The following SCN7A variants were observed in gnomAD, a reference collection of about 807,000 sequenced individuals.
SCN7A encodes sodium voltage-gated channel alpha subunit 7.
Under a neutral mutation model 155.2 loss-of-function variants are expected in SCN7A, and 138 were observed. That is an observed-to-expected ratio of 0.89 (90% CI 0.77 to 1.02). The LOEUF (loss-of-function observed/expected upper bound fraction) is 1.02, where lower values mean the gene tolerates loss of function less well. Ranked by LOEUF, SCN7A falls within the 50% of genes least tolerant of loss-of-function variation. The probability of loss-of-function intolerance (pLI) is 0.00; values close to 1 mark genes in which losing one functional copy is unlikely to be tolerated. For synonymous variants in SCN7A, 693 were observed against 649.0 expected (o/e 1.07, Z -1.03); for missense variants, 2,058 against 1,986.6 (o/e 1.04, Z -0.68).
chr2:166,476,033 TG>T (rs560180281), intron 3 of SCN7A, among the ~76,000 whole-genome samples: 82 of 152,066 alleles, frequency 5.4e-4, no homozygotes, highest in African/African-American at 1.8e-3. Context: ...ACAGTTACTG[TG>T]CCATATCAAT....
intron 23 of SCN7A, 23 bp from the exon 24 acceptor site, chr2:166,410,347 T>C (rs372740515): frequency 3.8e-5 from 57 of 1,480,846 alleles, no homozygotes; most frequent in Non-Finnish European, 4.5e-6. Context: ...AAGAAAAATA[T>C]ATTAAAATCA....
chr2:166,419,905 A>T (rs1021850248), intron 20 of SCN7A, among the ~76,000 whole-genome samples: 9 of 152,144 alleles, frequency 5.9e-5, no homozygotes, highest in African/African-American at 1.9e-4. Flanking sequence ...TTTACTACAT[A>T]ATCAAAATAT....
intron 15 of SCN7A, among the ~76,000 whole-genome samples, chr2:166,436,936 A>G (rs1321460385): frequency 2.0e-5 from 3 of 152,198 alleles, no homozygotes; most frequent in Non-Finnish European, 4.4e-5. Context: ...CAAGAAGCAG[A>G]GCATAAAAAT....
Position 166,410,297 on chromosome 2 carries a change from C to T in SCN7A, c.3634G>A (p.Val1212Ile), listed in dbSNP as rs747544964. 6.4e-7 allele frequency: 1 copy of T among 1,550,598 alleles called. No individual in the cohort carries two copies. The highest frequency in any genetic ancestry group is 1.2e-5 in the South Asian group (1 of 83,452). Residue 1212 changes from valine (V) to isoleucine (I), a missense_variant, in exon 24 of 26, where the codon GTT becomes ATT. Physicochemically the swap from Val to Ile is conservative, Grantham distance 29 (BLOSUM62 3). Coordinates refer to ENST00000643258, the MANE Select transcript of SCN7A (RefSeq NM_002976.4). ...KLGGSNIFIT[V>I]KQRKQYRRLK... ...CTGCGGTACTGTTTTCTCTGTTTAA[C>T]CGTTATAAAGATATTTGAGCCTCCC...
chr2:166,465,709 C>A (rs533290920), intron 8 of SCN7A, 72 bp downstream of exon 8: 17 of 1,507,742 alleles, frequency 1.1e-5, no homozygotes, highest in South Asian at 3.4e-5. Context: ...GAGTGTTCAA[C>A]ATTTCTGGGA....
At chr2:166,462,612 C>A in intron 9 of SCN7A, 82 bp from the exon 10 acceptor site, 4 of 1,350,750 alleles carry the variant, frequency 3.0e-6, no homozygotes, top group Admixed American at 2.1e-5. Context: ...GAACATCAGT[C>A]CTGAGTAATA....
intron 12 of SCN7A, among the ~76,000 whole-genome samples, chr2:166,445,813 C>T (rs1210511773): frequency 2.0e-5 from 3 of 152,128 alleles, no homozygotes; most frequent in Non-Finnish European, 4.4e-5. Flanking sequence ...GCTGGGAAAA[C>T]TGGCTAGCCA....
chr2:166,406,105 C>T lies in SCN7A; in HGVS notation c.4524G>A (p.Lys1508=), dbSNP rs751384883. Residue 1508 remains lysine (K), a synonymous_variant, in exon 26 of 26, where the codon AAG becomes AAA. Transcript: ENST00000643258. ...TCCTAAAATCATCTTCACTCAAGGT[C>T]TTGTTTTTCTTCTTAGAAGCAATAT... ...FLNIASKKKN[K]TLSEDDFRKF... 13 of 1,611,850 alleles carry T rather than the reference C, an allele frequency of 8.1e-6. No individual in the cohort carries two copies. Among genetic ancestry groups the T allele is most frequent in the Admixed American group, 3.4e-5 (2 of 59,638 alleles).
chr2:166,414,232 A>AATATAT (rs1559088533), intron 21 of SCN7A, among the ~76,000 whole-genome samples: 7 of 80,198 alleles, frequency 8.7e-5, no homozygotes, highest in Non-Finnish European at 1.4e-4. Flanking sequence ...AAATATATAT[A>AATATAT]TCTATATATG....
At chr2:166,464,423 A>G (rs35191874) in intron 9 of SCN7A, among the ~76,000 whole-genome samples, 17,857 of 152,102 alleles carry the variant, frequency 0.12, 1,229 homozygotes, top group Middle Eastern at 0.16. Context: ...CACATTGCTG[A>G]GAAGTGCCCT....
rs1474460969 is a variant in SCN7A, at chr2:166,443,649, T to G, written c.1654A>C (p.Met552Leu). Residue 552 changes from methionine (M) to leucine (L), a missense_variant, in exon 14 of 26, where the codon ATG (methionine) becomes CTG (leucine). By Grantham distance (15) the Met-to-Leu change is conservative. Coordinates refer to ENST00000643258, the MANE Select transcript of SCN7A (RefSeq NM_002976.4). ...LVFIGIFTAE[M>L]IFKIIAMHPY... ...TGCATTGCAATTATTTTAAAAATCA[T>G]TTCTGCTGTGAAAATTCCAATGAAA... The G allele has an allele frequency of 3.2e-6, 5 of 1,548,394 alleles. No individual in the cohort carries two copies. The Middle Eastern group carries it at 6.8e-4, about 211-fold the overall frequency.
chr2:166,405,808 G>A lies in SCN7A; in HGVS notation c.4821C>T (p.Asn1607=). The change falls in exon 26 of 26, where the codon AAC becomes AAT. Residue 1607 remains asparagine (N), a synonymous_variant. Coordinates refer to ENST00000643258, the MANE Select transcript of SCN7A (RefSeq NM_002976.4). ...TTGGCTCACATGTGATCTTAAAAGG[G>A]TTGGCTAACAAAAACCCTGATTCTA... ...SEIESGFLLA[N]PFKITCEPIT... 6.2e-7 allele frequency: 1 copy of A among 1,612,996 alleles called. No homozygotes were observed. The highest frequency in any genetic ancestry group is 1.1e-5 in the South Asian group (1 of 91,040).
At chr2:166,479,497 A>G (rs563952914) in intron 2 of SCN7A, among the ~76,000 whole-genome samples, 35 of 152,256 alleles carry the variant, frequency 2.3e-4, no homozygotes, top group African/African-American at 8.4e-4. Flanking sequence ...TGGGATGACT[A>G]CTTATGCCTT....
At chr2:166,414,363 G>A (rs2105374383) in intron 21 of SCN7A, 1 of 126,318 alleles carries the variant, frequency 7.9e-6, no homozygotes, top group Admixed American at 9.5e-5. Flanking sequence ...AAATTTAACA[G>A]AGGAAATACA....
intron 21 of SCN7A, chr2:166,414,846 T>C (rs1701327216): frequency 7.5e-6 from 1 of 133,258 alleles, no homozygotes; most frequent in Non-Finnish European, 1.5e-5. Flanking sequence ...ATATAATATA[T>C]AGGATATATA....
In SCN7A at chr2:166,477,567, A is replaced by C. The variant is rs778920856; in HGVS notation, c.130T>G (p.Leu44Val). Residue 44 changes from leucine to valine, a missense_variant, in exon 3 of 26, where the codon TTG becomes GTG. Leu to Val is a conservative substitution (Grantham distance 32, BLOSUM62 1). Transcript: ENST00000643258. ...EEEDLKPTPD[L>V]EVGKKLPFIY... ...AATGGAAGCTTTTTGCCAACTTCCA[A>C]ATCAGGAGTTGGCTTTAAGTCTTCT... 3 of 1,578,822 alleles carry C rather than the reference A, an allele frequency of 1.9e-6. No homozygotes were observed. Among genetic ancestry groups the C allele is most frequent in the South Asian group, 1.2e-5 (1 of 86,676 alleles).
In SCN7A at chr2:166,465,923, T is replaced by A; in HGVS notation, c.729A>T (p.Leu243=). ...AAAATATGCTCAGAAAAAACAGAGT[T>A]AGGATAATGACACCAATAAGCTGCT... ...CLKQLIGVII[L]TLFFLSIFSL... is the part of the protein sequence containing the mutation. Residue 243 remains leucine, a synonymous_variant, in exon 8 of 26, where the codon CTA becomes CTT. Transcript: ENST00000643258. The A allele has an allele frequency of 6.2e-7, 1 of 1,613,676 alleles. No individual in the cohort carries two copies. The highest frequency in any genetic ancestry group is 8.5e-7 in the Non-Finnish European group (1 of 1,179,780).
chr2:166,459,722 C>A (rs1030086343), intron 10 of SCN7A, among the ~76,000 whole-genome samples: 1 of 152,036 alleles, frequency 6.6e-6, no homozygotes, highest in African/African-American at 2.4e-5. Flanking sequence ...GACTTGGAAC[C>A]AATCCAATGC....
chr2:166,430,063 A>T (rs1198551584), intron 16 of SCN7A, among the ~76,000 whole-genome samples: 1 of 152,080 alleles, frequency 6.6e-6, no homozygotes, highest in Non-Finnish European at 1.5e-5. Flanking sequence ...GGTTAATAGC[A>T]TATAAGTAAT....
Sources: gnomAD v4.1 joint callset for allele counts (sites outside exome capture counted in the v4.1 genomes callset) on GRCh38, gnomAD v4.1.1 for gene constraint, MANE v1.5 for transcripts, NCBI Gene and HGNC (gene_info 2026-07-23, HGNC 2026-07-21) for gene names.